The following SEMA6A variants were observed in gnomAD, a reference collection of about 807,000 sequenced individuals.
The protein encoded by SEMA6A is semaphorin 6A.
SEMA6A carries 25 observed loss-of-function variants against 96.8 expected under a neutral mutation model. That is an observed-to-expected ratio of 0.26 (90% CI 0.19 to 0.36). The LOEUF is 0.36. SEMA6A is among the 10% of genes least tolerant of loss of function. The pLI is 1.00. For missense variants in SEMA6A, 1,363 were observed against 1,323.1 expected (o/e 1.03, Z -0.47); for synonymous variants, 612 against 518.0 (o/e 1.18, Z -2.46).
intron 1 of SEMA6A, among the ~76,000 whole-genome samples, chr5:116,540,050 C>A (rs564433797): frequency 6.6e-6 from 1 of 151,978 alleles, no homozygotes; most frequent in Non-Finnish European, 1.5e-5. Context: ...TATTTTCTTG[C>A]GCTAAACTGC....
At chr5:116,507,593 A>G (rs1030727321) in intron 1 of SEMA6A, among the ~76,000 whole-genome samples, 9 of 152,224 alleles carry the variant, frequency 5.9e-5, no homozygotes, top group African/African-American at 2.2e-4. Flanking sequence ...CAAAACTTTG[A>G]AAAGTGCTAC....
chr5:116,473,234 T>A, intron 16 of SEMA6A, 141 bp from the exon 17 acceptor site: 2 of 775,002 alleles, frequency 2.6e-6, no homozygotes. Flanking sequence ...AATTTCTGCG[T>A]GTAATGTAAG....
intron 18 of SEMA6A, among the ~76,000 whole-genome samples, chr5:116,448,911 C>A (rs187175106): frequency 7.5e-4 from 114 of 152,244 alleles, no homozygotes; most frequent in African/African-American, 2.7e-3. Context: ...ACCATTATTG[C>A]ACCTAGAGTT....
intron 1 of SEMA6A, among the ~76,000 whole-genome samples, chr5:116,552,397 G>A (rs1380286905): frequency 2.6e-5 from 4 of 152,128 alleles, no homozygotes; most frequent in South Asian, 4.1e-4. Context: ...GTAAAGGCAG[G>A]TGCCACAGAG....
At chr5:116,453,045 T>C (rs1754748775) in intron 18 of SEMA6A, among the ~76,000 whole-genome samples, 2 of 152,232 alleles carry the variant, frequency 1.3e-5, no homozygotes, top group African/African-American at 4.8e-5. Flanking sequence ...GCATTTGAGC[T>C]AAGCCTTAAA....
intron 1 of SEMA6A, among the ~76,000 whole-genome samples, chr5:116,534,280 T>C (rs1363711502): frequency 6.6e-6 from 1 of 152,248 alleles, no homozygotes; most frequent in African/African-American, 2.4e-5. Flanking sequence ...CATTTTGTTT[T>C]GCTGAAATTC....
chr5:116,548,312 C>T (rs191787623), intron 1 of SEMA6A, among the ~76,000 whole-genome samples: 5 of 152,258 alleles, frequency 3.3e-5, no homozygotes, highest in East Asian at 3.9e-4. Context: ...TCCAGACTCA[C>T]GGTGCATTTC....
chr5:116,548,659 G>A (rs968450640), intron 1 of SEMA6A, among the ~76,000 whole-genome samples: 1 of 152,134 alleles, frequency 6.6e-6, no homozygotes, highest in Non-Finnish European at 1.5e-5. Context: ...GAAAATTGAG[G>A]CCAAGGAACA....
In SEMA6A at chr5:116,535,122, A is replaced by G. The variant is rs368252180; in HGVS notation, c.-38-30140T>C. On this transcript the variant is annotated intron_variant, in intron 1 of 18. Coordinates refer to ENST00000343348, the MANE Select transcript of SEMA6A (RefSeq NM_020796.5). ...CTAGGATGGCCTGAAGGAAGGAAGGAGGGCAGCCTGGCAATGGACTGCTGC... is the reference window on the plus strand; with the variant it reads ...CTAGGATGGCCTGAAGGAAGGAAGGGGGGCAGCCTGGCAATGGACTGCTGC... 2.9e-3 allele frequency among the ~76,000 whole-genome samples: 436 copies of G among 152,344 alleles called. 3 individuals are homozygous for G. Among genetic ancestry groups the G allele is most frequent in the South Asian group, 3.9e-3 (19 of 4,830 alleles).
intron 1 of SEMA6A, among the ~76,000 whole-genome samples, chr5:116,510,226 C>T (rs950452646): frequency 2.6e-5 from 4 of 152,076 alleles, no homozygotes; most frequent in Non-Finnish European, 5.9e-5. Flanking sequence ...ACTGTTGTTA[C>T]CATGTAATCT....
chr5:116,487,315 C>G (rs1011963542), intron 9 of SEMA6A: 1 of 233,030 alleles, frequency 4.3e-6, no homozygotes, highest in African/African-American at 2.3e-5. Flanking sequence ...CACTAGCTGC[C>G]TCTGGGCCCT....
chr5:116,533,954 CA>C (rs1759601295), intron 1 of SEMA6A, among the ~76,000 whole-genome samples: 2 of 152,274 alleles, frequency 1.3e-5, no homozygotes, highest in African/African-American at 4.8e-5. Context: ...CATTCTCTCC[CA>C]ATTCACTGAT....
At chr5:116,483,373 A>G (rs1309579003) in intron 10 of SEMA6A, among the ~76,000 whole-genome samples, 2 of 152,098 alleles carry the variant, frequency 1.3e-5, no homozygotes, top group East Asian at 1.9e-4. Context: ...CTTGATTTTG[A>G]TCAAATAAAT....
intron 7 of SEMA6A, among the ~76,000 whole-genome samples, chr5:116,490,354 G>A (rs1757271772): frequency 6.6e-6 from 1 of 152,024 alleles, no homozygotes; most frequent in Admixed American, 6.6e-5. Flanking sequence ...GCCCCGCCTT[G>A]GCCTCCTACA....
chr5:116,461,039 G>A (rs764028127), intron 18 of SEMA6A, among the ~76,000 whole-genome samples: 26 of 152,172 alleles, frequency 1.7e-4, no homozygotes, highest in Admixed American at 6.5e-4. Flanking sequence ...TATGGGTCGT[G>A]TATAGCACAA....
intron 1 of SEMA6A, among the ~76,000 whole-genome samples, chr5:116,530,625 T>A (rs1189407212): frequency 6.6e-6 from 1 of 152,134 alleles, no homozygotes; most frequent in Non-Finnish European, 1.5e-5. Flanking sequence ...CATATTGCGT[T>A]CATGGGTGCT....
At chr5:116,485,174 T>C (rs1268302682) in intron 10 of SEMA6A, among the ~76,000 whole-genome samples, 1 of 152,196 alleles carries the variant, frequency 6.6e-6, no homozygotes, top group Non-Finnish European at 1.5e-5. Context: ...TAAGTGGATA[T>C]TTCTTAGGGG....
intron 1 of SEMA6A, among the ~76,000 whole-genome samples, chr5:116,559,475 C>T (rs931823063): frequency 1.3e-5 from 2 of 152,158 alleles, no homozygotes; most frequent in African/African-American, 4.8e-5. Flanking sequence ...AACCCCTGCC[C>T]CATCCGCACT....
intron 1 of SEMA6A, among the ~76,000 whole-genome samples, chr5:116,531,817 C>G (rs1019785077): frequency 2.0e-5 from 3 of 152,138 alleles, no homozygotes; most frequent in African/African-American, 7.2e-5. Context: ...CCTGAGTCAC[C>G]TCTGGTCACC....
Sources: allele counts gnomAD v4.1 joint callset (sites outside exome capture counted in the v4.1 genomes callset), GRCh38; gene constraint gnomAD v4.1.1; transcripts MANE v1.5; gene names NCBI Gene and HGNC (gene_info 2026-07-23, HGNC 2026-07-21).